The following PCDHA5 variants were observed in gnomAD, a reference collection of about 807,000 sequenced individuals.
The protein encoded by PCDHA5 is protocadherin alpha 5.
PCDHA5 carries 43 observed loss-of-function variants against 61.6 expected under a neutral mutation model. The ratio of observed to expected loss-of-function variants is 0.70; its 90% confidence interval spans 0.55 to 0.90. The LOEUF (loss-of-function observed/expected upper bound fraction) is 0.90. PCDHA5 is among the 40% of genes least tolerant of loss of function. The pLI is 0.00. For synonymous variants in PCDHA5, 627 were observed against 543.9 expected, an observed-to-expected ratio of 1.15 and a Z score of -2.13; for missense variants, 1,298 against 1,222.7, an observed-to-expected ratio of 1.06 and a Z score of -0.92.
chr5:140,869,245 A>T (rs782617385), intron 1 of PCDHA5: 14 of 1,613,510 alleles, frequency 8.7e-6, no homozygotes, highest in Non-Finnish European at 1.2e-5. Flanking sequence ...CGTGGGCCGC[A>T]TCGCGCAGGA....
At chr5:140,839,156 T>C (rs2150295146) in intron 1 of PCDHA5, among the ~76,000 whole-genome samples, 23 of 97,316 alleles carry the variant, frequency 2.4e-4, no homozygotes, top group Non-Finnish European at 4.5e-4. Flanking sequence ...TTTGCTGCTC[T>C]TGTTGAAAGA....
chr5:140,823,705 CA>C lies in PCDHA5; in HGVS notation c.1931del (p.His644ProfsTer7). 1.2e-6 allele frequency: 2 copies of C among 1,613,974 alleles called. No homozygotes were observed. The highest frequency in any genetic ancestry group is 1.7e-6 in the Non-Finnish European group (2 of 1,179,940). On this transcript the variant is annotated frameshift_variant, in exon 1 of 4. Transcript: ENST00000529859. LOFTEE classifies it high-confidence loss of function. ...RSLDETEAPRHRLLVLVKDHG... is the reference protein window; with the variant it reads ...RSLDETEAPRXRLLVLVKDHG... The stretch of plus-strand genomic sequence containing the variant: ...TCTGGATGAGACCGAAGCACCGCGC[CA>C]CCGCCTTCTGGTGCTGGTGAAGGAC...
At chr5:140,901,553 A>C (rs1387848935) in intron 1 of PCDHA5, among the ~76,000 whole-genome samples, 1 of 152,072 alleles carries the variant, frequency 6.6e-6, no homozygotes, top group African/African-American at 2.4e-5. Flanking sequence ...TGTTCCATTC[A>C]TCTATGTGTC....
At chr5:140,884,130 C>G (rs1554181258) in intron 1 of PCDHA5, 4 of 1,613,434 alleles carry the variant, frequency 2.5e-6, no homozygotes, top group African/African-American at 1.3e-5. Context: ...GCGCGCATCC[C>G]GTTCCGCGTG....
At chr5:140,951,723 A>G (rs1364455679) in intron 1 of PCDHA5, among the ~76,000 whole-genome samples, 3 of 152,104 alleles carry the variant, frequency 2.0e-5, no homozygotes, top group Non-Finnish European at 4.4e-5. Flanking sequence ...GATCCAAACC[A>G]TGTCATTCTG....
intron 1 of PCDHA5, among the ~76,000 whole-genome samples, chr5:140,907,664 T>G (rs2073522534): frequency 6.6e-6 from 1 of 152,216 alleles, no homozygotes; most frequent in Non-Finnish European, 1.5e-5. Context: ...CAGCAGTGGC[T>G]GTAGCCAGGT....
chr5:140,906,930 G>A (rs1006674722), intron 1 of PCDHA5, among the ~76,000 whole-genome samples: 3 of 152,246 alleles, frequency 2.0e-5, no homozygotes, highest in Non-Finnish European at 4.4e-5. Flanking sequence ...AAAGTGTCCC[G>A]GTGTCAATCT....
chr5:140,830,284 G>T (rs2150184332), intron 1 of PCDHA5: 7 of 1,613,854 alleles, frequency 4.3e-6, no homozygotes, highest in Non-Finnish European at 5.9e-6. Context: ...CCGAGGGCGC[G>T]TGCACGGCGG....
At position 140,850,957 on chromosome 5, in the gene PCDHA5, CA is replaced by C; in HGVS notation, c.2352+26831del. On this transcript the variant is annotated intron_variant, in intron 1 of 3. Transcript: ENST00000529859. ...CTTGAAAGATATTATCGATTACTCCCAGGGGCCGTTCAAATAGTTTTATTCA... is the reference window on the plus strand; with the variant it reads ...CTTGAAAGATATTATCGATTACTCCCGGGGCCGTTCAAATAGTTTTATTCA... The C allele has an allele frequency of 1.1e-5, 17 of 1,481,512 alleles. 4 individuals are homozygous for C. The highest frequency in any genetic ancestry group is 1.5e-5 in the Non-Finnish European group (17 of 1,106,408). The allele number at this position is 1,481,512 out of a possible 1,614,324, so 91.8% of individuals were successfully genotyped here. A position where few individuals can be genotyped will look rare whatever the true frequency, so the allele number is the denominator to read the frequency against.
At chr5:140,883,272 C>T in intron 1 of PCDHA5, 1 of 1,613,880 alleles carries the variant, frequency 6.2e-7, no homozygotes, top group Non-Finnish European at 8.5e-7. Context: ...GGTCATTGTA[C>T]CCTTTTGGTG....
chr5:140,924,008 C>T lies in PCDHA5; in HGVS notation c.2353-54941C>T, dbSNP rs75028295. On this transcript the variant is annotated intron_variant, in intron 1 of 3. Coordinates refer to ENST00000529859, the MANE Select transcript of PCDHA5 (RefSeq NM_018908.3). ...TAGGTGCAGCTCAGAATTCCTAAAC[C>T]TGGTATAATTGGAGGCATGGCTGCA... 7.8e-3 allele frequency among the ~76,000 whole-genome samples: 1,191 copies of T among 152,262 alleles called. 21 individuals are homozygous for T. The highest frequency in any genetic ancestry group is 0.026 in the African/African-American group (1,098 of 41,552).
intron 1 of PCDHA5, chr5:140,928,773 T>A: frequency 6.2e-7 from 1 of 1,614,164 alleles, no homozygotes; most frequent in Non-Finnish European, 8.5e-7. Context: ...TTCTTCCCAC[T>A]GATGCAGTTA....
chr5:140,884,021 G>C, intron 1 of PCDHA5: 1 of 1,613,318 alleles, frequency 6.2e-7, no homozygotes, highest in Non-Finnish European at 8.5e-7. Flanking sequence ...GCCGCGGTCG[G>C]TGGGTGCAGG....
At chr5:140,917,354 G>T (rs148449289) in intron 1 of PCDHA5, among the ~76,000 whole-genome samples, 7 of 143,854 alleles carry the variant, frequency 4.9e-5, no homozygotes, top group African/African-American at 1.8e-4. Flanking sequence ...GTAGGCTTCT[G>T]TTCCACTATC....
intron 1 of PCDHA5, among the ~76,000 whole-genome samples, chr5:140,951,227 G>A (rs181202222): frequency 1.3e-5 from 2 of 152,044 alleles, no homozygotes; most frequent in African/African-American, 2.4e-5. Flanking sequence ...ATTCTTGATG[G>A]TCTTTACCTT....
At chr5:140,958,700 C>G (rs2095439212) in intron 1 of PCDHA5, among the ~76,000 whole-genome samples, 1 of 152,086 alleles carries the variant, frequency 6.6e-6, no homozygotes, top group Non-Finnish European at 1.5e-5. Context: ...CCTAGAGTGA[C>G]AACTCTGTTA....
chr5:140,893,135 T>C (rs1405005785), intron 1 of PCDHA5, among the ~76,000 whole-genome samples: 1 of 152,252 alleles, frequency 6.6e-6, no homozygotes, highest in Non-Finnish European at 1.5e-5. Flanking sequence ...ATTTTCTTTA[T>C]CCACTCATCT....
In PCDHA5 at chr5:140,822,731, T is replaced by C; in HGVS notation, c.956T>C (p.Ile319Thr). 2 of 1,613,236 alleles carry C rather than the reference T, an allele frequency of 1.2e-6. No individual in the cohort carries two copies. Among genetic ancestry groups the C allele is most frequent in the Non-Finnish European group, 1.7e-6 (2 of 1,179,154 alleles). ...YEDYNSYEINIDAMDKSTFPL... is the reference protein window; with the variant it reads ...YEDYNSYEINTDAMDKSTFPL... ...GACTATAACTCATATGAAATTAATA[T>C]TGATGCCATGGATAAAAGTACATTC... Residue 319 changes from isoleucine to threonine, a missense_variant, in exon 1 of 4, where the codon ATT becomes ACT. By Grantham distance (89) the Ile-to-Thr change is moderately conservative. Coordinates refer to ENST00000529859, the MANE Select transcript of PCDHA5 (RefSeq NM_018908.3).
At chr5:140,877,141 G>T (rs1554169360) in intron 1 of PCDHA5, 2 of 1,613,680 alleles carry the variant, frequency 1.2e-6, no homozygotes, top group African/African-American at 1.3e-5. Flanking sequence ...GTTCGTGCTG[G>T]ACGAGAACGA....
Sources: gnomAD v4.1 joint callset for allele counts (sites outside exome capture counted in the v4.1 genomes callset) on GRCh38, gnomAD v4.1.1 for gene constraint, MANE v1.5 for transcripts, NCBI Gene and HGNC (gene_info 2026-07-23, HGNC 2026-07-21) for gene names.